CCDC175: variants seen among roughly 807,000 people sequenced by gnomAD.
CCDC175 encodes the protein coiled-coil domain containing 175, also known as coiled-coil domain-containing protein 175.
In CCDC175, 100 loss-of-function variants were observed where a neutral mutation model predicts 114.6. That is an observed-to-expected ratio of 0.87 (90% CI 0.74 to 1.03). The LOEUF (loss-of-function observed/expected upper bound fraction) is 1.03. Ranked by LOEUF, CCDC175 falls within the 50% of genes least tolerant of loss-of-function variation. The pLI, the probability that CCDC175 is intolerant of heterozygous loss-of-function variation, is 0.00. For missense variants in CCDC175, 880 were observed against 917.8 expected (o/e 0.96, Z 0.53); for synonymous variants, 306 against 308.7 (o/e 0.99, Z 0.09).
intron 16 of CCDC175, among the ~76,000 whole-genome samples, chr14:59,522,310 C>A (rs1049622441): frequency 6.6e-6 from 1 of 152,174 alleles, no homozygotes; most frequent in Non-Finnish European, 1.5e-5. Flanking sequence ...CCATAAAAAT[C>A]TTTGAAATTG....
intron 3 of CCDC175, 106 bp from the exon 4 acceptor site, chr14:59,568,486 T>C (rs948784402): frequency 4.5e-6 from 4 of 898,594 alleles, no homozygotes; most frequent in Admixed American, 3.6e-5. Flanking sequence ...TTTAATAATG[T>C]TTTTTATCAA....
At chr14:59,572,103 G>A (rs1409850569) in intron 3 of CCDC175, among the ~76,000 whole-genome samples, 3 of 152,094 alleles carry the variant, frequency 2.0e-5, no homozygotes, top group African/African-American at 4.8e-5. Context: ...AACTGTTTTG[G>A]ATAAGGGATG....
At chr14:59,556,319 C>T (rs1895898914) in intron 7 of CCDC175, among the ~76,000 whole-genome samples, 2 of 152,088 alleles carry the variant, frequency 1.3e-5, no homozygotes, top group Admixed American at 1.3e-4. Context: ...CATCTACAAC[C>T]ATCTAATCTT....
intron 2 of CCDC175, 79 bp downstream of exon 2, chr14:59,574,864 G>C: frequency 1.3e-6 from 1 of 746,192 alleles, no homozygotes; most frequent in Non-Finnish European, 2.2e-6. Context: ...TTAATACTTT[G>C]AACAGAATTG....
At chr14:59,572,101 T>A (rs1896878573) in intron 3 of CCDC175, among the ~76,000 whole-genome samples, 1 of 152,162 alleles carries the variant, frequency 6.6e-6, no homozygotes, top group African/African-American at 2.4e-5. Context: ...ACAACTGTTT[T>A]GGATAAGGGA....
intron 10 of CCDC175, 68 bp from the exon 11 acceptor site, chr14:59,540,814 G>T: frequency 7.8e-7 from 1 of 1,287,746 alleles, no homozygotes; most frequent in Non-Finnish European, 1.1e-6. Context: ...GACTCTATAC[G>T]CATAATTTGT....
At chr14:59,539,999 A>G (rs1333136612) in intron 11 of CCDC175, among the ~76,000 whole-genome samples, 1 of 152,064 alleles carries the variant, frequency 6.6e-6, no homozygotes, top group African/African-American at 2.4e-5. Context: ...TGAACCTGGG[A>G]GGCAGAGGTT....
intron 17 of CCDC175, among the ~76,000 whole-genome samples, chr14:59,512,805 GGTGTGT>G (rs140076678): frequency 0.074 from 10,614 of 144,196 alleles, 671 homozygotes; most frequent in African/African-American, 0.18. Context: ...TCTCAGCAGG[GGTGTGT>G]GTGTGTGTGT....
chr14:59,532,796 ACC>A (rs1459974707), intron 13 of CCDC175, among the ~76,000 whole-genome samples: 3 of 152,012 alleles, frequency 2.0e-5, no homozygotes. Flanking sequence ...CCAGCCCTGG[ACC>A]CCTTCCCTAT....
At chr14:59,545,726 C>T (rs1895064781) in intron 8 of CCDC175, among the ~76,000 whole-genome samples, 1 of 152,130 alleles carries the variant, frequency 6.6e-6, no homozygotes, top group South Asian at 2.1e-4. Flanking sequence ...AAATAGTACC[C>T]ACCAGTGTTC....
At chr14:59,557,459 C>A (rs1447010593) in intron 7 of CCDC175, among the ~76,000 whole-genome samples, 1 of 124,860 alleles carries the variant, frequency 8.0e-6, no homozygotes, top group South Asian at 2.6e-4. Flanking sequence ...CACACCGGGG[C>A]CTGTTGTGGG....
At chr14:59,536,164 T>TC (rs1299863411) in intron 13 of CCDC175, among the ~76,000 whole-genome samples, 1 of 152,044 alleles carries the variant, frequency 6.6e-6, no homozygotes, top group East Asian at 1.9e-4. Context: ...CCCCTGGCAC[T>TC]CCCCAGCTCT....
chr14:59,565,027 G>T lies in CCDC175; in HGVS notation c.720+20C>A. 7.0e-7 allele frequency: 1 copy of T among 1,429,298 alleles called. No individual in the cohort carries two copies. Among genetic ancestry groups the T allele is most frequent in the South Asian group, 1.3e-5 (1 of 78,424 alleles). The allele number at this position is 1,429,298 out of a possible 1,614,324, so 88.5% of individuals were successfully genotyped here. ...ATTCTATACATTATTGTATTTTAAA[G>T]AATAAATCATGCCACTTACCTGTGC... On this transcript the variant is annotated intron_variant, in intron 5 of 19. Coordinates refer to ENST00000537690, the MANE Select transcript of CCDC175 (RefSeq NM_001164399.2).
chr14:59,567,355 A>C (rs17834238), intron 4 of CCDC175, among the ~76,000 whole-genome samples: 82,703 of 151,908 alleles, frequency 0.54, 23,580 homozygotes, highest in East Asian at 0.83. Flanking sequence ...GTTTGGGATC[A>C]ATGTCCCTGG....
At chr14:59,563,558 A>T (rs951616211) in intron 6 of CCDC175, among the ~76,000 whole-genome samples, 179 bp downstream of exon 6, 1 of 151,756 alleles carries the variant, frequency 6.6e-6, no homozygotes, top group Non-Finnish European at 1.5e-5. Context: ...CCTTCTTCCC[A>T]TCATATTCCT....
In CCDC175 at chr14:59,510,788, T is replaced by G. The variant is rs1265015540; in HGVS notation, c.2163A>C (p.Glu721Asp). 1 of 1,537,344 alleles carries G rather than the reference T, an allele frequency of 6.5e-7. No individual in the cohort carries two copies. The highest frequency in any genetic ancestry group is 1.2e-5 in the South Asian group (1 of 84,022). Reference sequence around the variant, plus strand: ...GATTGTTTATGTCTTGCAAGGTCTCTTCACCATTGTCCACCAAGATCTAAA... The same window carrying G: ...GATTGTTTATGTCTTGCAAGGTCTCGTCACCATTGTCCACCAAGATCTAAA... ...TTVKILVDNG[E>D]ETLQDINNLT... The change falls in exon 19 of 20, where the codon GAA (glutamate) becomes GAC (aspartate). Residue 721 changes from glutamate to aspartate, a missense_variant. Coordinates refer to ENST00000537690, the MANE Select transcript of CCDC175 (RefSeq NM_001164399.2).
At chr14:59,562,132 G>T (rs889491127) in intron 6 of CCDC175, among the ~76,000 whole-genome samples, 1 of 152,240 alleles carries the variant, frequency 6.6e-6, no homozygotes, top group African/African-American at 2.4e-5. Context: ...TAAATGTTGA[G>T]AGGCCTCTGA....
intron 9 of CCDC175, 83 bp from the exon 10 acceptor site, chr14:59,543,537 G>A (rs973260081): frequency 1.7e-5 from 8 of 480,196 alleles, no homozygotes; most frequent in Non-Finnish European, 2.8e-5. Context: ...AGTTTTGAAA[G>A]TTCAGATCAT....
At chr14:59,547,523 G>T (rs916663258) in intron 8 of CCDC175, among the ~76,000 whole-genome samples, 1 of 152,178 alleles carries the variant, frequency 6.6e-6, no homozygotes, top group East Asian at 1.9e-4. Flanking sequence ...CAAATGAATA[G>T]AGTCAACAAT....
Sources: allele counts gnomAD v4.1 joint callset (sites outside exome capture counted in the v4.1 genomes callset), GRCh38; gene constraint gnomAD v4.1.1; transcripts MANE v1.5; gene names NCBI Gene and HGNC (gene_info 2026-07-23, HGNC 2026-07-21).